Variants in SLC23A2 observed in about 807,000 individuals in gnomAD.
The protein encoded by SLC23A2 is Na(+)/L-ascorbic acid transporter 2.
Under a neutral mutation model 73.3 loss-of-function variants are expected in SLC23A2, and 36 were observed. The observed-to-expected ratio is 0.49, with a 90% CI of 0.38 to 0.65. SLC23A2 has a LOEUF of 0.65. Ranked by LOEUF, SLC23A2 falls within the 30% of genes least tolerant of loss-of-function variation. SLC23A2 has a pLI of 0.00. For missense variants in SLC23A2, 507 were observed against 841.6 expected (o/e 0.60, Z 4.92); for synonymous variants, 343 against 327.3 (o/e 1.05, Z -0.52).
chr20:4,907,817 G>A (rs1189803023), intron 4 of SLC23A2, among the ~76,000 whole-genome samples: 1 of 151,950 alleles, frequency 6.6e-6, no homozygotes, highest in Non-Finnish European at 1.5e-5. Flanking sequence ...ATGGATTAAT[G>A]AAAAAATGCA....
At chr20:5,007,826 T>G (rs375876171) in intron 1 of SLC23A2, among the ~76,000 whole-genome samples, 146 of 152,308 alleles carry the variant, frequency 9.6e-4, no homozygotes, top group African/African-American at 2.5e-3. Flanking sequence ...TCACTTCCCA[T>G]GTTTTCAAGG....
chr20:4,894,462 C>T (rs1284512810), intron 6 of SLC23A2, among the ~76,000 whole-genome samples: 1 of 152,232 alleles, frequency 6.6e-6, no homozygotes, highest in East Asian at 1.9e-4. Context: ...GAAGGGTCTG[C>T]AGCCTGCACA....
chr20:4,986,260 C>T (rs1410546001), intron 1 of SLC23A2, among the ~76,000 whole-genome samples: 1 of 152,084 alleles, frequency 6.6e-6, no homozygotes, highest in East Asian at 1.9e-4. Context: ...CCAGGAGTTC[C>T]AGACTAGCCT....
At position 4,899,660 on chromosome 20, in the gene SLC23A2, T is replaced by C. The variant is rs776741149; in HGVS notation, c.377A>G (p.Asp126Gly). The change falls in exon 6 of 17, where the codon GAT (aspartate) becomes GGT (glycine). Residue 126 changes from aspartate (D) to glycine (G), a missense_variant. Physicochemically the swap from Asp to Gly is moderately conservative, Grantham distance 94. Around this residue, in one of 5 missense-constraint regions of SLC23A2, gnomAD observed 217 missense variants for 398.0 expected, o/e 0.55. Coordinates refer to ENST00000338244, the MANE Select transcript of SLC23A2 (RefSeq NM_005116.6). This position sits in a 1 kb window ranked among gnomAD's most constrained non-coding sequence, Gnocchi z 4.9. ...CTGGTCGTACCCCACACACATGGCA[T>C]CGGCCAACAGGAAGGGCACTGCGAT... is the stretch of plus-strand genomic sequence containing the variant. ...GTIAVPFLLA[D>G]AMCVGYDQWA... 5.6e-6 allele frequency: 9 copies of C among 1,614,108 alleles called. No individual in the cohort carries two copies. The highest frequency in any genetic ancestry group is 7.6e-6 in the Non-Finnish European group (9 of 1,180,020).
chr20:4,937,048 C>T (rs951901048), intron 2 of SLC23A2, among the ~76,000 whole-genome samples: 4 of 151,802 alleles, frequency 2.6e-5, no homozygotes, highest in African/African-American at 9.7e-5. Flanking sequence ...TCCTTGGACA[C>T]GCCATAAAAA....
intron 4 of SLC23A2, 150 bp downstream of exon 4, chr20:4,912,730 T>C (rs1249779348): frequency 1.6e-6 from 1 of 618,506 alleles, no homozygotes; most frequent in African/African-American, 1.9e-5. Context: ...ACTTCCCTTA[T>C]GAAGAGAACA....
intron 1 of SLC23A2, among the ~76,000 whole-genome samples, chr20:4,989,434 G>A (rs1369724917): frequency 6.6e-6 from 1 of 152,016 alleles, no homozygotes; most frequent in Non-Finnish European, 1.5e-5. Flanking sequence ...TGGGACCGAA[G>A]TCTGAACACA....
At chr20:4,962,145 T>TA (rs113200817) in intron 2 of SLC23A2, among the ~76,000 whole-genome samples, 16,813 of 125,450 alleles carry the variant, frequency 0.13, 1,473 homozygotes, top group African/African-American at 0.27. Context: ...TGATATTATT[T>TA]TAAAAAAAAA....
chr20:4,914,918 T>C (rs1299614478), intron 3 of SLC23A2, among the ~76,000 whole-genome samples: 1 of 152,120 alleles, frequency 6.6e-6, no homozygotes, highest in Non-Finnish European at 1.5e-5. Flanking sequence ...TGCACATCTG[T>C]AGTCCCAGCT....
chr20:4,859,526 G>A (rs1929875469), intron 15 of SLC23A2, 142 bp from the exon 16 acceptor site: 3 of 660,762 alleles, frequency 4.5e-6, no homozygotes, highest in Non-Finnish European at 5.5e-6. Flanking sequence ...TTGTGCACAT[G>A]TAGATGAATT....
At chr20:4,900,038 T>C (rs1931688223) in intron 5 of SLC23A2, among the ~76,000 whole-genome samples, 1 of 151,588 alleles carries the variant, frequency 6.6e-6, no homozygotes, top group Non-Finnish European at 1.5e-5. Flanking sequence ...GCCCAGCTTA[T>C]TTTTGTATTT....
intron 2 of SLC23A2, among the ~76,000 whole-genome samples, chr20:4,935,136 G>A (rs1403389092): frequency 3.7e-5 from 5 of 136,802 alleles, no homozygotes; most frequent in African/African-American, 1.4e-4. Flanking sequence ...GCAGTGAGCC[G>A]AGATCGCGCC....
rs930404480 is a variant in SLC23A2 at position 4,863,702 on chromosome 20, C to T, written c.1357-795G>A. 6.6e-6 allele frequency among the ~76,000 whole-genome samples: 1 copy of T among 152,098 alleles called. No individual in the cohort carries two copies. The highest frequency in any genetic ancestry group is 1.5e-5 in the Non-Finnish European group (1 of 68,026). ...ATCCTCTGGTACTCATGAAATAAAG[C>T]CCACTTCTCAGGCTCTTTCCAAGCA... is the stretch of plus-strand genomic sequence containing the variant. On this transcript the variant is annotated intron_variant, in intron 13 of 16. Coordinates refer to ENST00000338244, the MANE Select transcript of SLC23A2 (RefSeq NM_005116.6). This position sits in a 1 kb window ranked among gnomAD's most constrained non-coding sequence, Gnocchi z 4.8.
chr20:4,879,551 C>T (rs1040825497), intron 9 of SLC23A2, among the ~76,000 whole-genome samples: 1 of 151,140 alleles, frequency 6.6e-6, no homozygotes, highest in Non-Finnish European at 1.5e-5. Context: ...TTAATAAAAT[C>T]TACCCTGTAG....
intron 3 of SLC23A2, among the ~76,000 whole-genome samples, chr20:4,922,435 T>C (rs888785743): frequency 6.6e-6 from 1 of 152,192 alleles, no homozygotes; most frequent in Non-Finnish European, 1.5e-5. Context: ...CTACTTCTGA[T>C]GCATTCCTGT....
At chr20:4,900,851 C>G (rs1236348012) in intron 5 of SLC23A2, among the ~76,000 whole-genome samples, 7 of 152,296 alleles carry the variant, frequency 4.6e-5, no homozygotes, top group Middle Eastern at 3.4e-3. Context: ...CTGCAAACTT[C>G]CTACTTTTCT....
In SLC23A2 at chr20:4,852,678, C is replaced by G. The variant is rs1929570836; in HGVS notation, c.*4294G>C. On this transcript the variant is annotated 3_prime_UTR_variant, in exon 17 of 17. Coordinates refer to ENST00000338244, the MANE Select transcript of SLC23A2 (RefSeq NM_005116.6). The surrounding 1 kb of genome is among the most constrained non-coding windows in gnomAD (Gnocchi z 4.3). ...CTCAAGGAAAATATAGGCATCCCCA[C>G]TGTTTTAAGAACAGTCAGAAATGTA... The G allele has an allele frequency of 6.6e-6, 1 of 152,474 alleles. No homozygotes were observed. Among genetic ancestry groups the G allele is most frequent in the Non-Finnish European group, 1.5e-5 (1 of 68,036 alleles). 9.4% of individuals were successfully genotyped at this position (152,474 alleles called of 1,614,324 possible).
chr20:4,905,812 A>T (rs1931928888), intron 4 of SLC23A2, among the ~76,000 whole-genome samples: 2 of 152,256 alleles, frequency 1.3e-5, no homozygotes, highest in East Asian at 3.8e-4. Flanking sequence ...CTGTCACTGT[A>T]GCATGGATGC....
At chr20:4,914,442 G>C (rs1932258204) in intron 3 of SLC23A2, among the ~76,000 whole-genome samples, 1 of 151,714 alleles carries the variant, frequency 6.6e-6, no homozygotes, top group African/African-American at 2.4e-5. Context: ...AACTGAACCA[G>C]GTATTGACCA....
Sources: gnomAD v4.1 joint callset for allele counts (sites outside exome capture counted in the v4.1 genomes callset) on GRCh38, gnomAD v4.1.1 for gene constraint, gnomAD v4.1.1 regional missense constraint, Gnocchi (gnomAD v3.1) non-coding constraint, MANE v1.5 for transcripts, NCBI Gene and HGNC (gene_info 2026-07-23, HGNC 2026-07-21) for gene names.